NCKAP5: variants seen among roughly 807,000 people sequenced by gnomAD.
The protein encoded by NCKAP5 is NCK associated protein 5, also known as nck-associated protein 5.
Under a neutral mutation model 167.0 loss-of-function variants are expected in NCKAP5, and 92 were observed. The ratio of observed to expected loss-of-function variants is 0.55; its 90% CI spans 0.47 to 0.66. The LOEUF is 0.66. Ranked by LOEUF, NCKAP5 falls within the 30% of genes least tolerant of loss-of-function variation. The pLI, the probability that NCKAP5 is intolerant of heterozygous loss-of-function variation, is 0.00. For synonymous variants in NCKAP5, 891 were observed against 877.4 expected (o/e 1.02, Z -0.27); for missense variants, 2,378 against 2,315.0 (o/e 1.03, Z -0.56).
chr2:133,601,009 A>G, the NCKAP5 span, among the ~76,000 whole-genome samples: 1 of 152,174 alleles, frequency 6.6e-6, no homozygotes, highest in African/African-American at 2.4e-5. Flanking sequence ...TTGTTTTCTC[A>G]CGTAAGTTCC....
chr2:133,517,305 TA>T (rs1238883668), intron 3 of NCKAP5, among the ~76,000 whole-genome samples, 152 bp downstream of exon 3: 1 of 152,198 alleles, frequency 6.6e-6, no homozygotes, highest in Admixed American at 6.5e-5. Context: ...TTTGAGTTTG[TA>T]AAAAATAAAT....
Position 133,107,188 on chromosome 2 carries a change from G to A in NCKAP5, c.341+22790C>T, listed in dbSNP as rs941477818. On this transcript the variant is annotated intron_variant, in intron 6 of 19. Coordinates refer to ENST00000409261, the MANE Select transcript of NCKAP5 (RefSeq NM_207363.3). The stretch of plus-strand genomic sequence containing the variant: ...CACTAGACCCTGCAAAGTCCCTCAG[G>A]GTAGAAGGGACCACGGCCAGCGCCC... Among the ~76,000 whole-genome samples, 5 of 152,242 alleles carry A rather than the reference G, an allele frequency of 3.3e-5. No homozygotes were observed. The East Asian group carries it at 9.7e-4, about 29-fold the overall frequency.
At chr2:132,844,416 G>A (rs999767080) in intron 11 of NCKAP5, among the ~76,000 whole-genome samples, 2 of 151,980 alleles carry the variant, frequency 1.3e-5, no homozygotes, top group African/African-American at 4.8e-5. Context: ...CTCCCTTAAA[G>A]CCACTGTATT....
At chr2:132,701,523 A>ACTGCTGCTGCTGCTG (rs142983300) in intron 19 of NCKAP5, among the ~76,000 whole-genome samples, 1 of 151,558 alleles carries the variant, frequency 6.6e-6, no homozygotes, top group African/African-American at 2.4e-5. Flanking sequence ...TACATCAGAT[A>ACTGCTGCTGCTGCTG]CTGCTGCTGC....
chr2:132,708,787 T>C (rs1688589212), intron 19 of NCKAP5, among the ~76,000 whole-genome samples: 1 of 152,258 alleles, frequency 6.6e-6, no homozygotes, highest in Non-Finnish European at 1.5e-5. Context: ...TTCGTATTAG[T>C]CCATAGAAGA....
intron 4 of NCKAP5, among the ~76,000 whole-genome samples, chr2:133,219,141 T>G (rs1363392061): frequency 6.6e-6 from 1 of 152,158 alleles, no homozygotes; most frequent in Non-Finnish European, 1.5e-5. Flanking sequence ...ACCTACCACA[T>G]GAGTGGAGGA....
chr2:133,441,325 G>T (rs181306485), intron 3 of NCKAP5, among the ~76,000 whole-genome samples: 1 of 152,316 alleles, frequency 6.6e-6, no homozygotes, highest in African/African-American at 2.4e-5. Context: ...TTTCCAGAGG[G>T]TCTGAATAAA....
At chr2:133,307,421 G>A (rs1680857967) in intron 3 of NCKAP5, among the ~76,000 whole-genome samples, 1 of 152,034 alleles carries the variant, frequency 6.6e-6, no homozygotes, top group Non-Finnish European at 1.5e-5. Flanking sequence ...ACGTGATTAT[G>A]TACATCAAAA....
At chr2:133,505,717 A>C (rs995593669) in intron 3 of NCKAP5, among the ~76,000 whole-genome samples, 1 of 152,170 alleles carries the variant, frequency 6.6e-6, no homozygotes, top group Non-Finnish European at 1.5e-5. Flanking sequence ...CAGCCAACTC[A>C]TGCTCTCTCC....
chr2:132,905,442 T>A (rs937302201), intron 8 of NCKAP5, among the ~76,000 whole-genome samples: 1 of 152,240 alleles, frequency 6.6e-6, no homozygotes, highest in African/African-American at 2.4e-5. Flanking sequence ...GCTTGTTTAT[T>A]GTTCTACATG....
chr2:133,054,530 G>T (rs1034248141), intron 6 of NCKAP5, among the ~76,000 whole-genome samples: 2 of 152,162 alleles, frequency 1.3e-5, no homozygotes, highest in Non-Finnish European at 2.9e-5. Flanking sequence ...CACTTGGTTT[G>T]CCTCTGAGTG....
chr2:133,618,748 G>A, the NCKAP5 span, among the ~76,000 whole-genome samples: 26 of 149,394 alleles, frequency 1.7e-4, no homozygotes, highest in Middle Eastern at 3.5e-3. Flanking sequence ...TCAGTGTGGC[G>A]ATTCCTCAGG....
intron 3 of NCKAP5, among the ~76,000 whole-genome samples, chr2:133,374,551 T>C (rs1018144829): frequency 1.3e-5 from 2 of 149,718 alleles, no homozygotes; most frequent in African/African-American, 2.5e-5. Flanking sequence ...ATGTCGGTGA[T>C]GGGGTGAAGT....
At chr2:133,554,915 G>A (rs116191942) in intron 2 of NCKAP5, among the ~76,000 whole-genome samples, 1,701 of 152,210 alleles carry the variant, frequency 0.011, 16 homozygotes, top group Non-Finnish European at 0.015. Context: ...GAGAGCAGAA[G>A]TTGAAGCACT....
At chr2:132,799,277 T>C (rs1472142680) in intron 11 of NCKAP5, among the ~76,000 whole-genome samples, 3 of 150,706 alleles carry the variant, frequency 2.0e-5, no homozygotes, top group Non-Finnish European at 3.0e-5. Context: ...GGGGAATGGG[T>C]TGAAAAACTA....
chr2:133,635,037 C>T, the NCKAP5 span, among the ~76,000 whole-genome samples: 3 of 151,922 alleles, frequency 2.0e-5, no homozygotes, highest in Admixed American at 2.0e-4. Flanking sequence ...CCACACATAA[C>T]TAATTTTTGT....
chr2:132,846,729 T>C (rs11887247), intron 11 of NCKAP5, among the ~76,000 whole-genome samples: 11,960 of 152,148 alleles, frequency 0.079, 946 homozygotes, highest in African/African-American at 0.19. Flanking sequence ...AATCCTTCAT[T>C]TTACCTACTG....
intron 5 of NCKAP5, among the ~76,000 whole-genome samples, chr2:133,173,622 C>T (rs1481267953): frequency 6.6e-6 from 1 of 152,144 alleles, no homozygotes; most frequent in African/African-American, 2.4e-5. Context: ...GGCTCCTTTG[C>T]TATAAATTCC....
the NCKAP5 span, among the ~76,000 whole-genome samples, chr2:133,612,153 G>C: frequency 6.6e-6 from 1 of 151,982 alleles, no homozygotes; most frequent in African/African-American, 2.4e-5. Context: ...TGATGACCTT[G>C]GAATGCATAG....
Sources: allele counts gnomAD v4.1 joint callset (sites outside exome capture counted in the v4.1 genomes callset), GRCh38; gene constraint gnomAD v4.1.1; transcripts MANE v1.5; gene names NCBI Gene and HGNC (gene_info 2026-07-23, HGNC 2026-07-21).